GALNT16: variants seen among roughly 807,000 people sequenced by gnomAD.
GALNT16 encodes the protein UDP-GalNAc:polypeptide N-acetylgalactosaminyltransferase-like protein 1.
A neutral mutation model predicts 76.1 loss-of-function variants in GALNT16; 40 were observed. The ratio of observed to expected loss-of-function variants is 0.53; its 90% CI spans 0.41 to 0.68. GALNT16 has a LOEUF of 0.68. Ranked by LOEUF, GALNT16 falls within the 30% of genes least tolerant of loss-of-function variation. GALNT16 has a pLI of 0.00. For synonymous variants in GALNT16, 276 were observed against 285.2 expected, an observed-to-expected ratio of 0.97 and a Z score of 0.32; for missense variants, 621 against 731.9, an observed-to-expected ratio of 0.85 and a Z score of 1.75.
At chr14:69,284,254 C>T (rs2044580666) in intron 1 of GALNT16, among the ~76,000 whole-genome samples, 1 of 152,198 alleles carries the variant, frequency 6.6e-6, no homozygotes, top group Non-Finnish European at 1.5e-5. Context: ...CCAGGCCATC[C>T]TGCTACCCTC....
chr14:69,376,795 CA>C, the GALNT16 span, among the ~76,000 whole-genome samples: 1 of 152,048 alleles, frequency 6.6e-6, no homozygotes, highest in African/African-American at 2.4e-5. Context: ...CTGGGAGAAA[CA>C]ATGAATACCT....
chr14:69,293,557 G>A (rs2044714382), intron 1 of GALNT16, among the ~76,000 whole-genome samples: 1 of 152,160 alleles, frequency 6.6e-6, no homozygotes, highest in South Asian at 2.1e-4. Context: ...CCTGAAATAG[G>A]TGATGTCATT....
chr14:69,276,633 A>T, intron 1 of GALNT16, among the ~76,000 whole-genome samples: 1 of 152,022 alleles, frequency 6.6e-6, no homozygotes, highest in East Asian at 1.9e-4. Context: ...GTGAGCCGAG[A>T]TCACGCCACT....
Position 69,272,242 on chromosome 14 carries a change from A to G in GALNT16, c.177+11775A>G, listed in dbSNP as rs934959823. Among the ~76,000 whole-genome samples, 12 of 152,278 alleles carry G rather than the reference A, an allele frequency of 7.9e-5. 1 individual carries two copies. In the East Asian group the frequency reaches 1.7e-3, roughly 22 times the overall value. Reference sequence around the variant, plus strand: ...ACCGGGCCTGGTGGCATGCACTTGTAATCCCAGCTACTCAGGAAGGGGAGG... The same window carrying G: ...ACCGGGCCTGGTGGCATGCACTTGTGATCCCAGCTACTCAGGAAGGGGAGG... On this transcript the variant is annotated intron_variant, in intron 1 of 14. Coordinates refer to ENST00000448469, the MANE Select transcript of GALNT16 (RefSeq NM_001168368.2).
intron 9 of GALNT16, among the ~76,000 whole-genome samples, chr14:69,337,700 C>T (rs897323438): frequency 6.6e-6 from 1 of 152,162 alleles, no homozygotes; most frequent in African/African-American, 2.4e-5. Flanking sequence ...GCCAAGTGTC[C>T]GGTCCTGGCC....
chr14:69,376,834 C>G, the GALNT16 span, among the ~76,000 whole-genome samples: 1 of 152,098 alleles, frequency 6.6e-6, no homozygotes, highest in Non-Finnish European at 1.5e-5. Context: ...TTGTGTTTCT[C>G]TGAATACAAT....
chr14:69,276,136 T>C (rs2044468164), intron 1 of GALNT16, among the ~76,000 whole-genome samples: 1 of 151,904 alleles, frequency 6.6e-6, no homozygotes, highest in Non-Finnish European at 1.5e-5. Context: ...ATTGGGTCCC[T>C]CCCACAGCAT....
chr14:69,381,573 A>G, the GALNT16 span, among the ~76,000 whole-genome samples: 624 of 152,292 alleles, frequency 4.1e-3, 5 homozygotes, highest in African/African-American at 0.014. Context: ...TGTGAGTAGT[A>G]TCTAGTAAGA....
the GALNT16 span, among the ~76,000 whole-genome samples, chr14:69,386,331 T>C: frequency 6.6e-6 from 1 of 152,234 alleles, no homozygotes. Context: ...AATATTCAAG[T>C]ATCTGATGAT....
At chr14:69,319,517 G>A (rs545513395) in intron 1 of GALNT16, among the ~76,000 whole-genome samples, 9 of 152,372 alleles carry the variant, frequency 5.9e-5, no homozygotes, top group Non-Finnish European at 8.8e-5. Context: ...ATGGTTGGGC[G>A]GAAAGTTGGA....
the GALNT16 span, among the ~76,000 whole-genome samples, chr14:69,381,619 T>A: frequency 6.6e-6 from 1 of 152,102 alleles, no homozygotes; most frequent in African/African-American, 2.4e-5. Flanking sequence ...TAAATTCTTA[T>A]CTGAATTAAC....
chr14:69,305,167 A>G (rs897488004), intron 1 of GALNT16, among the ~76,000 whole-genome samples: 1 of 140,990 alleles, frequency 7.1e-6, no homozygotes, highest in Non-Finnish European at 1.5e-5. Context: ...TCCGACAAGT[A>G]TCTTTTTTTT....
intron 1 of GALNT16, among the ~76,000 whole-genome samples, chr14:69,293,984 A>C (rs2044720619): frequency 6.6e-6 from 1 of 151,236 alleles, no homozygotes; most frequent in Non-Finnish European, 1.5e-5. Context: ...TCTGCCTCCC[A>C]GGTTCAAGCA....
At chr14:69,339,445 C>A in intron 10 of GALNT16, 82 bp from the exon 11 acceptor site, 1 of 846,024 alleles carries the variant, frequency 1.2e-6, no homozygotes, top group Non-Finnish European at 2.1e-6. Flanking sequence ...GTCCTGTATT[C>A]ATGGATCGAT....
the GALNT16 span, among the ~76,000 whole-genome samples, chr14:69,383,112 G>A: frequency 6.6e-6 from 1 of 152,044 alleles, no homozygotes; most frequent in Non-Finnish European, 1.5e-5. Flanking sequence ...AGAAAATACT[G>A]CATAATCAAA....
chr14:69,347,152 G>A lies in GALNT16; in HGVS notation c.1384G>A (p.Gly462Arg). ...CCTGCTTGGAATGGGGATCTGCAGA[G>A]GGTCTGCCAAGAACCCGCAGCCCGC... ...DFLLGMGICR[G>R]SAKNPQPAQA... The change falls in exon 13 of 15, where the codon GGG (glycine) becomes AGG (arginine). Residue 462 changes from glycine to arginine, a missense_variant. Coordinates refer to ENST00000448469, the MANE Select transcript of GALNT16 (RefSeq NM_001168368.2). 1 of 1,612,894 alleles carries A rather than the reference G, an allele frequency of 6.2e-7. No individual in the cohort carries two copies. The highest frequency in any genetic ancestry group is 1.3e-5 in the African/African-American group (1 of 75,008).
chr14:69,362,860 G>A, the GALNT16 span, among the ~76,000 whole-genome samples: 2 of 152,192 alleles, frequency 1.3e-5, no homozygotes, highest in Non-Finnish European at 2.9e-5. Context: ...GGCCTGAAAT[G>A]GTGGGAAGTT....
intron 12 of GALNT16, among the ~76,000 whole-genome samples, chr14:69,342,624 T>A (rs2045509298): frequency 6.6e-6 from 1 of 152,134 alleles, no homozygotes; most frequent in South Asian, 2.1e-4. Context: ...CCATTAATAT[T>A]ATAATCATAG....
At chr14:69,271,576 TG>T (rs2044408620) in intron 1 of GALNT16, among the ~76,000 whole-genome samples, 1 of 152,228 alleles carries the variant, frequency 6.6e-6, no homozygotes, top group Non-Finnish European at 1.5e-5. Flanking sequence ...ACCAGTGCAG[TG>T]GTTGCCGGCC....
Sources: gnomAD v4.1 joint callset for allele counts (sites outside exome capture counted in the v4.1 genomes callset) on GRCh38, gnomAD v4.1.1 for gene constraint, MANE v1.5 for transcripts, NCBI Gene and HGNC (gene_info 2026-07-23, HGNC 2026-07-21) for gene names.